The following SLC9A2 variants were observed in gnomAD, a reference collection of about 807,000 sequenced individuals.
SLC9A2 encodes the protein sodium/hydrogen exchanger 2.
Under a neutral mutation model 71.7 loss-of-function variants are expected in SLC9A2, and 42 were observed. That is an observed-to-expected ratio of 0.59 (90% CI 0.46 to 0.76). The LOEUF is 0.76. Ranked by LOEUF, SLC9A2 falls within the 30% of genes least tolerant of loss-of-function variation. SLC9A2 has a pLI of 0.00. For synonymous variants in SLC9A2, 396 were observed against 392.5 expected (o/e 1.01, Z -0.10); for missense variants, 829 against 1,017.4 (o/e 0.81, Z 2.52).
intron 3 of SLC9A2, among the ~76,000 whole-genome samples, chr2:102,672,955 C>G (rs928993937): frequency 6.6e-6 from 1 of 151,982 alleles, no homozygotes; most frequent in Non-Finnish European, 1.5e-5. Flanking sequence ...GAAGATCAAT[C>G]GAGCCTCTAT....
chr2:102,634,309 G>T (rs757960390), intron 1 of SLC9A2, among the ~76,000 whole-genome samples: 1 of 152,130 alleles, frequency 6.6e-6, no homozygotes. Context: ...TATACTTTTA[G>T]TGGTAACTTA....
In SLC9A2 at chr2:102,694,502, G is replaced by A. The variant is rs971648168; in HGVS notation, c.1514G>A (p.Arg505Gln). 2.0e-6 allele frequency: 3 copies of A among 1,499,542 alleles called. No homozygotes were observed. Among genetic ancestry groups the A allele is most frequent in the Non-Finnish European group, 2.7e-6 (3 of 1,097,538 alleles). The allele number at this position is 1,499,542 out of a possible 1,614,324, so 92.9% of individuals were successfully genotyped here. Residue 505 changes from arginine to glutamine, a missense_variant and splice_region_variant, in exon 6 of 12, where the codon CGG becomes CAG. Around this residue, in one of 3 missense-constraint regions of SLC9A2, gnomAD observed 500 missense variants for 726.3 expected, o/e 0.69. Coordinates refer to ENST00000233969, the MANE Select transcript of SLC9A2 (RefSeq NM_003048.6). ...QQAVSEEIYC[R>Q]LFDHVKTGIE... Reference sequence around the variant, plus strand: ...GCTGTCAGTGAAGAAATCTATTGTCGGGTAGGTGTTAAGAGAGTGTAATAA... The same window carrying A: ...GCTGTCAGTGAAGAAATCTATTGTCAGGTAGGTGTTAAGAGAGTGTAATAA...
intron 5 of SLC9A2, among the ~76,000 whole-genome samples, chr2:102,687,088 A>C (rs895764367): frequency 6.6e-6 from 1 of 152,198 alleles, no homozygotes; most frequent in African/African-American, 2.4e-5. Flanking sequence ...GAGTCTGGCC[A>C]AGTTCACTTG....
intron 11 of SLC9A2, 98 bp from the exon 12 acceptor site, chr2:102,708,021 C>A: frequency 3.8e-6 from 5 of 1,318,982 alleles, no homozygotes; most frequent in Non-Finnish European, 5.2e-6. Flanking sequence ...CCCAGAGCCC[C>A]AGGACGTATC....
At chr2:102,637,231 A>G (rs905839769) in intron 1 of SLC9A2, among the ~76,000 whole-genome samples, 1 of 152,190 alleles carries the variant, frequency 6.6e-6, no homozygotes, top group South Asian at 2.1e-4. Context: ...AATACTCCGC[A>G]TGTCCAAGGG....
At chr2:102,632,115 T>TAC (rs1676378613) in intron 1 of SLC9A2, among the ~76,000 whole-genome samples, 1 of 80,130 alleles carries the variant, frequency 1.2e-5, no homozygotes, top group Non-Finnish European at 2.5e-5. Flanking sequence ...TATATATGTA[T>TAC]ATATACATAT....
chr2:102,652,587 A>G (rs1412912890), intron 1 of SLC9A2, among the ~76,000 whole-genome samples: 1 of 152,106 alleles, frequency 6.6e-6, no homozygotes, highest in Non-Finnish European at 1.5e-5. Context: ...CCTTTTTAAT[A>G]GCATTTATCA....
At chr2:102,659,375 A>G (rs1394188956) in intron 2 of SLC9A2, among the ~76,000 whole-genome samples, 3 of 151,942 alleles carry the variant, frequency 2.0e-5, no homozygotes, top group Non-Finnish European at 4.4e-5. Context: ...AGTGAGGCGG[A>G]GGTTGCAATG....
intron 1 of SLC9A2, among the ~76,000 whole-genome samples, chr2:102,636,624 G>C (rs1262041894): frequency 6.6e-6 from 1 of 152,198 alleles, no homozygotes; most frequent in African/African-American, 2.4e-5. Context: ...AAACAGCAAA[G>C]CCAAAATTGG....
intron 11 of SLC9A2, among the ~76,000 whole-genome samples, chr2:102,707,105 A>T (rs1484965969): frequency 1.3e-5 from 2 of 152,178 alleles, no homozygotes. Context: ...GAGGGGAGAT[A>T]GGGAGCTGGG....
At chr2:102,681,958 A>C (rs1276780651) in intron 3 of SLC9A2, among the ~76,000 whole-genome samples, 9 of 152,190 alleles carry the variant, frequency 5.9e-5, no homozygotes. Context: ...TGCTCACAGT[A>C]AGAGGATTTC....
intron 7 of SLC9A2, among the ~76,000 whole-genome samples, chr2:102,698,538 T>C (rs959989977): frequency 6.6e-6 from 1 of 152,100 alleles, no homozygotes; most frequent in Admixed American, 6.6e-5. Context: ...AAGAGGCTGA[T>C]TGGGGTTGGG....
chr2:102,636,655 A>G (rs1405430331), intron 1 of SLC9A2, among the ~76,000 whole-genome samples: 1 of 152,250 alleles, frequency 6.6e-6, no homozygotes, highest in Non-Finnish European at 1.5e-5. Context: ...TTACTAACAC[A>G]TGAGTTGAGA....
chr2:102,632,103 C>CAT (rs1299783665), intron 1 of SLC9A2, among the ~76,000 whole-genome samples: 2 of 106,710 alleles, frequency 1.9e-5, no homozygotes, highest in Admixed American at 1.0e-4. Flanking sequence ...CATATATATA[C>CAT]ATATATATGT....
chr2:102,642,884 A>G (rs538816050), intron 1 of SLC9A2, among the ~76,000 whole-genome samples: 11 of 152,242 alleles, frequency 7.2e-5, no homozygotes, highest in African/African-American at 2.6e-4. Context: ...GTTGAGGGCT[A>G]TTCATATTTT....
intron 1 of SLC9A2, among the ~76,000 whole-genome samples, chr2:102,630,949 A>G (rs1676343674): frequency 6.6e-6 from 1 of 151,528 alleles, no homozygotes; most frequent in Admixed American, 6.6e-5. Context: ...TCTCTTTTCA[A>G]TATTTATTTC....
At chr2:102,643,589 C>A (rs1676653567) in intron 1 of SLC9A2, among the ~76,000 whole-genome samples, 1 of 152,158 alleles carries the variant, frequency 6.6e-6, no homozygotes, top group African/African-American at 2.4e-5. Flanking sequence ...GAACTGAATG[C>A]CATGGTCTGG....
chr2:102,649,426 T>C (rs1295089813), intron 1 of SLC9A2, among the ~76,000 whole-genome samples: 1 of 152,162 alleles, frequency 6.6e-6, no homozygotes, highest in Non-Finnish European at 1.5e-5. Flanking sequence ...AGAACCTTAA[T>C]GACTAAAACA....
intron 1 of SLC9A2, among the ~76,000 whole-genome samples, chr2:102,655,305 C>G (rs1016436696): frequency 6.6e-6 from 1 of 151,394 alleles, no homozygotes; most frequent in African/African-American, 2.4e-5. Context: ...AGGCACCCGC[C>G]ACCACACCCA....
Sources: gnomAD v4.1 joint callset for allele counts (sites outside exome capture counted in the v4.1 genomes callset) on GRCh38, gnomAD v4.1.1 for gene constraint, gnomAD v4.1.1 regional missense constraint, MANE v1.5 for transcripts, NCBI Gene and HGNC (gene_info 2026-07-23, HGNC 2026-07-21) for gene names.